Variants in SERHL2 observed in about 807,000 individuals in gnomAD.
SERHL2 encodes the protein serine hydrolase like 2, also known as serine hydrolase-like protein 2.
SERHL2 carries 29 observed loss-of-function variants against 25.5 expected under a neutral mutation model. The ratio of observed to expected loss-of-function variants is 1.14; its 90% CI spans 0.85 to 1.55. The LOEUF is 1.55. SERHL2 is among the 40% of genes most tolerant of loss of function. The probability of loss-of-function intolerance (pLI) is 0.00; values close to 1 mark genes in which losing one functional copy is unlikely to be tolerated. For synonymous variants in SERHL2, 95 were observed against 103.5 expected, an observed-to-expected ratio of 0.92 and a Z score of 0.50; for missense variants, 240 against 252.3, an observed-to-expected ratio of 0.95 and a Z score of 0.33.
At chr22:42,567,614 A>G (rs1923573807) in intron 9 of SERHL2, among the ~76,000 whole-genome samples, 1 of 151,522 alleles carries the variant, frequency 6.6e-6, no homozygotes, top group Non-Finnish European at 1.5e-5. Context: ...CAGTGAGCCG[A>G]GATTGCGCCA....
In SERHL2 at chr22:42,572,598, T is replaced by C. The variant is rs897736353; in HGVS notation, c.825+69T>C. On this transcript the variant is annotated intron_variant, in intron 11 of 11. Transcript: ENST00000327678. ...ACTCTGGTCCCACCTCACCCATCTC[T>C]TCTCATGCACTGGGAAGACCCTGGG... The C allele has an allele frequency of 4.6e-5, 72 of 1,574,098 alleles. 1 individual carries two copies. In the African/African-American group the frequency reaches 7.8e-4, roughly 17 times the overall value.
chr22:42,560,306 C>A, intron 8 of SERHL2, 41 bp downstream of exon 8: 1 of 1,446,480 alleles, frequency 6.9e-7, no homozygotes, highest in Non-Finnish European at 9.7e-7. Context: ...ATATTTGTCA[C>A]TATTCTTACC....
chr22:42,572,822 G>A (rs1924421412), intron 11 of SERHL2: 3 of 526,436 alleles, frequency 5.7e-6, no homozygotes, highest in Non-Finnish European at 7.3e-6. Flanking sequence ...CTGCCACCAT[G>A]CCCAGCTAAT....
At chr22:42,568,260 C>T (rs1569281474) in intron 9 of SERHL2, among the ~76,000 whole-genome samples, 2 of 151,810 alleles carry the variant, frequency 1.3e-5, no homozygotes, top group Admixed American at 6.6e-5. Flanking sequence ...TGGGCTCAAG[C>T]TATCCTCCCG....
At chr22:42,565,538 C>G (rs1269147294) in intron 8 of SERHL2, among the ~76,000 whole-genome samples, 2 of 151,840 alleles carry the variant, frequency 1.3e-5, no homozygotes, top group East Asian at 3.9e-4. Context: ...ATTGCCCAGG[C>G]TGGTCTTGAA....
intron 8 of SERHL2, among the ~76,000 whole-genome samples, chr22:42,563,107 C>T (rs1394056046): frequency 6.6e-6 from 1 of 151,884 alleles, no homozygotes; most frequent in Non-Finnish European, 1.5e-5. Flanking sequence ...GTGGGAGACT[C>T]ACATGAGCTC....
chr22:42,572,501 T>TA lies in SERHL2; in HGVS notation c.798dup (p.Asp267ArgfsTer56). 6.2e-7 allele frequency: 1 copy of TA among 1,611,986 alleles called. No individual in the cohort carries two copies. The highest frequency in any genetic ancestry group is 1.1e-5 in the South Asian group (1 of 91,018). The stretch of plus-strand genomic sequence containing the variant: ...GAGAAGGAGTCCCTGTCGTTCATGA[T>TA]AGACACGATGAAATCCACCCTCAAA... On this transcript the variant is annotated frameshift_variant, in exon 11 of 12. Coordinates refer to ENST00000327678, the MANE Select transcript of SERHL2 (RefSeq NM_014509.5). LOFTEE classifies it low-confidence loss of function (END_TRUNC).
rs778554640 is a variant in SERHL2 at position 42,572,424 on chromosome 22, C to T, written c.732-12C>T. ...GATGAACCCCAACAACCCCCAACTC[C>T]TCACTTTCCAGAGCAGTCCACGGAT... On this transcript the variant is annotated splice_polypyrimidine_tract_variant and intron_variant, in intron 10 of 11. Coordinates refer to ENST00000327678, the MANE Select transcript of SERHL2 (RefSeq NM_014509.5). 5.0e-6 allele frequency: 8 copies of T among 1,601,062 alleles called. No homozygotes were observed. The Admixed American group carries it at 1.3e-4, about 27-fold the overall frequency.
chr22:42,563,856 C>T (rs1168934123), intron 8 of SERHL2, among the ~76,000 whole-genome samples: 5 of 151,708 alleles, frequency 3.3e-5, no homozygotes, highest in Non-Finnish European at 5.9e-5. Context: ...GGTGAATCAC[C>T]TGATGTTGGG....
At chr22:42,573,460 C>G (rs2007185) in intron 11 of SERHL2, 47,952 of 158,926 alleles carry the variant, frequency 0.3, 7,983 homozygotes, top group East Asian at 0.62. Flanking sequence ...AACCAGGATG[C>G]TCTTGATCTC....
At chr22:42,567,367 A>C (rs1207656748) in intron 9 of SERHL2, among the ~76,000 whole-genome samples, 2 of 152,000 alleles carry the variant, frequency 1.3e-5, no homozygotes, top group South Asian at 2.1e-4. Flanking sequence ...TTTGTGTTTT[A>C]AAAGTTCGAT....
chr22:42,560,368 A>T (rs970249339), intron 8 of SERHL2, 103 bp downstream of exon 8: 2 of 822,932 alleles, frequency 2.4e-6, no homozygotes, highest in Non-Finnish European at 4.2e-6. Context: ...GCGCTTTGCA[A>T]ACAGCATCTC....
At chr22:42,568,450 C>T (rs1236996427) in intron 9 of SERHL2, among the ~76,000 whole-genome samples, 3 of 151,846 alleles carry the variant, frequency 2.0e-5, no homozygotes, top group Non-Finnish European at 4.4e-5. Flanking sequence ...ATTGCCAGAT[C>T]CTAGTCAATC....
In SERHL2 at chr22:42,573,995, C is replaced by T. The variant is rs143026500; in HGVS notation, c.885C>T (p.His295=). 353 of 1,611,126 alleles carry T rather than the reference C, an allele frequency of 2.2e-4. 4 individuals carry two copies. The highest frequency in any genetic ancestry group is 3.3e-4 in the Middle Eastern group (2 of 6,046). The change falls in exon 12 of 12, where the codon CAC becomes CAT. Residue 295 remains histidine (H), a synonymous_variant. Transcript: ENST00000327678. ...NHCVHMSEPQ[H]VASIISSFLQ... is the part of the protein sequence containing the mutation. ...GTGTCCACATGAGCGAACCCCAGCA[C>T]GTGGCCAGTATCATCAGCTCCTTCT...
intron 10 of SERHL2, 182 bp downstream of exon 10, chr22:42,571,385 A>AG (rs1924166959): frequency 6.4e-6 from 9 of 1,412,032 alleles, no homozygotes; most frequent in Non-Finnish European, 7.4e-6. Context: ...AGGTCAGAGG[A>AG]GGGGAGGGCT....
intron 5 of SERHL2, 98 bp from the exon 6 acceptor site, chr22:42,556,416 T>C: frequency 7.3e-7 from 1 of 1,377,862 alleles, no homozygotes; most frequent in Non-Finnish European, 1.0e-6. Context: ...CCCCCCAGCC[T>C]AAAAGATGTT....
At chr22:42,572,142 G>C (rs1372414788) in intron 10 of SERHL2, among the ~76,000 whole-genome samples, 1 of 152,112 alleles carries the variant, frequency 6.6e-6, no homozygotes, top group Non-Finnish European at 1.5e-5. Context: ...TCCAGCGCCT[G>C]TTCAGATCCC....
rs1303333002 is a variant in SERHL2 at position 42,574,358 on chromosome 22, AAAAT to A, written c.*307_*310del. On this transcript the variant is annotated 3_prime_UTR_variant, in exon 12 of 12. Coordinates refer to ENST00000327678, the MANE Select transcript of SERHL2 (RefSeq NM_014509.5). The stretch of plus-strand genomic sequence containing the variant: ...CTTTCCCTGCTGCCCAACTGGATGG[AAAAT>A]AAAAGGTTCTTGTATTCTCACTGCT... 3.9e-6 allele frequency: 2 copies of A among 509,036 alleles called. No individual in the cohort carries two copies. The highest frequency in any genetic ancestry group is 7.0e-6 in the Non-Finnish European group (2 of 285,234). The allele number at this position is 509,036 out of a possible 1,614,324, so 31.5% of individuals were successfully genotyped here.
chr22:42,572,186 C>T lies in SERHL2; in HGVS notation c.732-250C>T, dbSNP rs191420044. On this transcript the variant is annotated intron_variant, in intron 10 of 11. Transcript: ENST00000327678. ...TTTTCAGGGCTGACTGTGACCAAGT[C>T]CTGAACTCCCTGTGCCCCAGAAAGG... Among the ~76,000 whole-genome samples, 1,140 of 152,174 alleles carry T rather than the reference C, an allele frequency of 7.5e-3. 23 individuals carry two copies. The highest frequency in any genetic ancestry group is 0.013 in the Non-Finnish European group (880 of 67,974).
Sources: allele counts gnomAD v4.1 joint callset (sites outside exome capture counted in the v4.1 genomes callset), GRCh38; gene constraint gnomAD v4.1.1; transcripts MANE v1.5; gene names NCBI Gene and HGNC (gene_info 2026-07-23, HGNC 2026-07-21).